GNAQ: variants seen among roughly 807,000 people sequenced by gnomAD.
GNAQ encodes the protein G protein subunit alpha q, also known as guanine nucleotide-binding protein G(q) subunit alpha.
GNAQ carries 8 observed loss-of-function variants against 43.9 expected under a neutral mutation model. That is an observed-to-expected ratio of 0.18 (90% CI 0.11 to 0.33). GNAQ has a LOEUF of 0.33. GNAQ is among the 10% of genes least tolerant of loss of function. The probability of loss-of-function intolerance (pLI) is 1.00; values close to 1 mark genes in which losing one functional copy is unlikely to be tolerated. For synonymous variants in GNAQ, 155 were observed against 170.7 expected, an observed-to-expected ratio of 0.91 and a Z score of 0.71; for missense variants, 158 against 450.8, an observed-to-expected ratio of 0.35 and a Z score of 5.88.
At chr9:77,857,287 G>A (rs916619560) in intron 2 of GNAQ, among the ~76,000 whole-genome samples, 2 of 152,184 alleles carry the variant, frequency 1.3e-5, no homozygotes, top group African/African-American at 4.8e-5. Context: ...ACTTTCAACA[G>A]GCATCTAGAA....
chr9:77,889,284 T>TGTA (rs1489620315), intron 2 of GNAQ, among the ~76,000 whole-genome samples: 1 of 151,334 alleles, frequency 6.6e-6, no homozygotes, highest in African/African-American at 2.4e-5. Context: ...GGTGCGTGCC[T>TGTA]GTAGTCCCAG....
chr9:77,808,511 C>T (rs976807567), intron 3 of GNAQ, among the ~76,000 whole-genome samples: 6 of 151,672 alleles, frequency 4.0e-5, no homozygotes, highest in African/African-American at 1.5e-4. Context: ...GATCAATGTC[C>T]TCTTCTGAGC....
chr9:77,887,460 C>T (rs556776345), intron 2 of GNAQ, among the ~76,000 whole-genome samples: 1 of 152,194 alleles, frequency 6.6e-6, no homozygotes, highest in Non-Finnish European at 1.5e-5. Flanking sequence ...GCCTATTAGG[C>T]TTGCTTTACT....
intron 1 of GNAQ, among the ~76,000 whole-genome samples, chr9:78,023,769 T>A (rs919741422): frequency 2.0e-5 from 3 of 152,152 alleles, no homozygotes; most frequent in African/African-American, 7.2e-5. Context: ...AATTCATGAT[T>A]TTAGTTTTCC....
At chr9:77,875,019 C>T (rs1158863161) in intron 2 of GNAQ, among the ~76,000 whole-genome samples, 3 of 152,012 alleles carry the variant, frequency 2.0e-5, no homozygotes, top group Non-Finnish European at 4.4e-5. Context: ...ACCCTCCCAC[C>T]TCTAACTGGT....
chr9:78,028,462 C>T (rs3898048), intron 1 of GNAQ, among the ~76,000 whole-genome samples: 43,314 of 151,958 alleles, frequency 0.29, 6,359 homozygotes, highest in South Asian at 0.43. Context: ...ATTATTAATA[C>T]ACAAAAGTAA....
chr9:77,975,535 C>T (rs1004360882), intron 1 of GNAQ, among the ~76,000 whole-genome samples: 2 of 140,624 alleles, frequency 1.4e-5, no homozygotes, highest in African/African-American at 5.5e-5. Context: ...ATCAGCCCCC[C>T]CTTTTTTTTT....
At chr9:77,875,052 C>A (rs1217613883) in intron 2 of GNAQ, among the ~76,000 whole-genome samples, 1 of 152,136 alleles carries the variant, frequency 6.6e-6, no homozygotes, top group Non-Finnish European at 1.5e-5. Context: ...ATTTGACCCA[C>A]TGAGATTCTG....
chr9:78,013,461 C>T (rs527890323), intron 1 of GNAQ, among the ~76,000 whole-genome samples: 4 of 151,986 alleles, frequency 2.6e-5, no homozygotes, highest in Non-Finnish European at 5.9e-5. Context: ...TATCCCTCCC[C>T]GCTCCCCCCA....
At chr9:77,960,346 G>GT (rs144611747) in intron 1 of GNAQ, among the ~76,000 whole-genome samples, 11,396 of 152,212 alleles carry the variant, frequency 0.075, 501 homozygotes, top group African/African-American at 0.12. Flanking sequence ...GTCCTTTACT[G>GT]TAGTTTTTTC....
chr9:77,766,783 G>C (rs1181656843), intron 5 of GNAQ, among the ~76,000 whole-genome samples: 1 of 152,166 alleles, frequency 6.6e-6, no homozygotes, highest in Non-Finnish European at 1.5e-5. Context: ...TTGCCAGAAG[G>C]GAAGGACAGT....
chr9:77,871,906 AAAGGGC>A (rs1421993460), intron 2 of GNAQ, among the ~76,000 whole-genome samples: 1 of 152,210 alleles, frequency 6.6e-6, no homozygotes, highest in Non-Finnish European at 1.5e-5. Context: ...TGACCACATG[AAAGGGC>A]ATAAGGGTAG....
rs74678708 is a variant in GNAQ, at chr9:77,763,289, A to G, written c.735+31174T>C. Reference sequence around the variant, plus strand: ...CATGAAAAGGGAGCAGGATTTTAACATCGCTTTGCCTTCCACAACTATTAT... The same window carrying G: ...CATGAAAAGGGAGCAGGATTTTAACGTCGCTTTGCCTTCCACAACTATTAT... On this transcript the variant is annotated intron_variant, in intron 5 of 6. Transcript: ENST00000286548. 9.6e-3 allele frequency among the ~76,000 whole-genome samples: 1,468 copies of G among 152,300 alleles called. 40 individuals carry two copies. Among genetic ancestry groups the G allele is most frequent in the East Asian group, 0.087 (452 of 5,174 alleles).
At chr9:77,796,547 A>C (rs1289932110) in intron 4 of GNAQ, among the ~76,000 whole-genome samples, 1 of 152,216 alleles carries the variant, frequency 6.6e-6, no homozygotes, top group Admixed American at 6.5e-5. Flanking sequence ...TCTCATCCTA[A>C]AAACAAAACA....
intron 1 of GNAQ, among the ~76,000 whole-genome samples, chr9:78,016,772 T>G (rs1013132947): frequency 2.6e-5 from 4 of 152,212 alleles, no homozygotes; most frequent in African/African-American, 9.6e-5. Context: ...CTGTTAATTA[T>G]TTTTGTAGGC....
chr9:77,722,032 C>T (rs1220722946), intron 6 of GNAQ, among the ~76,000 whole-genome samples: 1 of 152,148 alleles, frequency 6.6e-6, no homozygotes, highest in East Asian at 1.9e-4. Context: ...TACAATGGGC[C>T]TCTGTAACAG....
At chr9:77,971,955 G>C (rs1202230615) in intron 1 of GNAQ, among the ~76,000 whole-genome samples, 1 of 152,138 alleles carries the variant, frequency 6.6e-6, no homozygotes, top group Non-Finnish European at 1.5e-5. Flanking sequence ...CTCTCTGTTT[G>C]TGTGTTATTG....
At chr9:77,900,799 T>C (rs1047134426) in intron 2 of GNAQ, among the ~76,000 whole-genome samples, 1 of 152,186 alleles carries the variant, frequency 6.6e-6, no homozygotes, top group Admixed American at 6.5e-5. Context: ...CAGACAAAAT[T>C]GACTAGCACT....
intron 1 of GNAQ, among the ~76,000 whole-genome samples, chr9:78,027,894 CA>C (rs1262099240): frequency 1.3e-5 from 2 of 151,658 alleles, no homozygotes; most frequent in Non-Finnish European, 2.9e-5. Flanking sequence ...AAAATAAGAA[CA>C]GGTTAACAGG....
Sources: allele counts gnomAD v4.1 joint callset (sites outside exome capture counted in the v4.1 genomes callset), GRCh38; gene constraint gnomAD v4.1.1; transcripts MANE v1.5; gene names NCBI Gene and HGNC (gene_info 2026-07-23, HGNC 2026-07-21).